NR2C2: variants seen among roughly 807,000 people sequenced by gnomAD.
NR2C2 encodes the protein Nuclear hormone receptor TR4.
A neutral mutation model predicts 62.9 loss-of-function variants in NR2C2; 6 were observed. That is an observed-to-expected ratio of 0.10 (90% confidence interval 0.05 to 0.19). The LOEUF (loss-of-function observed/expected upper bound fraction) is 0.19, where lower values mean the gene tolerates loss of function less well. Ranked by LOEUF, NR2C2 falls within the 10% of genes least tolerant of loss-of-function variation. The pLI, the probability that NR2C2 is intolerant of heterozygous loss-of-function variation, is 1.00. For synonymous variants in NR2C2, 272 were observed against 273.8 expected, an observed-to-expected ratio of 0.99 and a Z score of 0.07; for missense variants, 479 against 762.7, an observed-to-expected ratio of 0.63 and a Z score of 4.38.
At chr3:14,969,182 A>G (rs1351763170) in intron 1 of NR2C2, among the ~76,000 whole-genome samples, 5 of 152,114 alleles carry the variant, frequency 3.3e-5, no homozygotes, top group African/African-American at 1.2e-4. Context: ...CTATAACTGG[A>G]AATTTAAAGC....
At chr3:14,961,878 T>C (rs1391399308) in intron 1 of NR2C2, among the ~76,000 whole-genome samples, 1 of 152,260 alleles carries the variant, frequency 6.6e-6, no homozygotes, top group East Asian at 1.9e-4. Flanking sequence ...ATGCAGTCTC[T>C]TCGCTTCTTG....
chr3:14,970,683 T>A (rs1026684226), intron 1 of NR2C2, among the ~76,000 whole-genome samples: 9 of 152,234 alleles, frequency 5.9e-5, no homozygotes, highest in Non-Finnish European at 1.5e-5. Context: ...TTTCCTTCCT[T>A]TTTAAGACTA....
chr3:14,970,053 A>C (rs1180714707), intron 1 of NR2C2, among the ~76,000 whole-genome samples: 1 of 152,214 alleles, frequency 6.6e-6, no homozygotes, highest in African/African-American at 2.4e-5. Flanking sequence ...TTGTCAAAGT[A>C]GTACATATAC....
intron 1 of NR2C2, among the ~76,000 whole-genome samples, chr3:15,002,323 A>G (rs778202481): frequency 6.6e-6 from 1 of 152,172 alleles, no homozygotes; most frequent in Non-Finnish European, 1.5e-5. Flanking sequence ...TTCGCCATCA[A>G]TTGAAATAAT....
At chr3:14,965,029 C>CA (rs1027135529) in intron 1 of NR2C2, among the ~76,000 whole-genome samples, 5 of 152,092 alleles carry the variant, frequency 3.3e-5, no homozygotes, top group Non-Finnish European at 5.9e-5. Flanking sequence ...AGTCACCTCG[C>CA]ATGCACATCG....
At chr3:15,026,093 A>G (rs1243958461) in intron 7 of NR2C2, 1 of 151,576 alleles carries the variant, frequency 6.6e-6, no homozygotes, top group Non-Finnish European at 1.5e-5. Context: ...ATCTTGGCTC[A>G]TTGCAACCTG....
chr3:14,996,298 A>T (rs569381723), intron 1 of NR2C2, among the ~76,000 whole-genome samples: 6 of 152,356 alleles, frequency 3.9e-5, no homozygotes, highest in African/African-American at 1.4e-4. Flanking sequence ...ATGAGTTTGG[A>T]TTTAATATTT....
rs757568142 is a variant in NR2C2, at chr3:15,046,431, G to A, written c.*3423G>A. On this transcript the variant is annotated 3_prime_UTR_variant, in exon 14 of 14. Transcript: ENST00000425241. ...AGCTGTCTTACTTGTTTGGGGGATA[G>A]TTACGGCAAGGAGCAAAAAATTCTA... The A allele has an allele frequency of 6.6e-6, 1 of 152,240 alleles. No individual in the cohort carries two copies. The highest frequency in any genetic ancestry group is 1.5e-5 in the Non-Finnish European group (1 of 68,040). 9.4% of individuals were successfully genotyped at this position (152,240 alleles called of 1,614,324 possible). A position where few individuals can be genotyped will look rare whatever the true frequency, so the allele number is the denominator to read the frequency against.
intron 2 of NR2C2, 61 bp from the exon 3 acceptor site, chr3:15,013,528 C>G (rs2041415265): frequency 2.0e-6 from 3 of 1,495,424 alleles, no homozygotes; most frequent in Middle Eastern, 2.2e-4. Context: ...TTGAGCACCA[C>G]CTGCAAATGC....
intron 1 of NR2C2, among the ~76,000 whole-genome samples, chr3:14,950,121 A>C (rs1375677663): frequency 1.3e-5 from 2 of 152,192 alleles, no homozygotes; most frequent in Non-Finnish European, 2.9e-5. Context: ...ATTATGAACT[A>C]CTGGTATAGA....
chr3:14,994,452 T>G (rs1437273573), intron 1 of NR2C2, among the ~76,000 whole-genome samples: 61 of 143,586 alleles, frequency 4.2e-4, no homozygotes, highest in African/African-American at 1.6e-3. Flanking sequence ...TTTTTTTTTT[T>G]TTTTTTTTTG....
At position 15,048,043 on chromosome 3, in the gene NR2C2, C is replaced by T. The variant is rs181151827; in HGVS notation, c.*5035C>T. 5.2e-5 allele frequency: 8 copies of T among 152,748 alleles called. No homozygotes were observed. The East Asian group carries it at 1.5e-3, about 29-fold the overall frequency. 9.5% of individuals were successfully genotyped at this position (152,748 alleles called of 1,614,324 possible). A position where few individuals can be genotyped will look rare whatever the true frequency, so the allele number is the denominator to read the frequency against. On this transcript the variant is annotated 3_prime_UTR_variant, in exon 14 of 14. Coordinates refer to ENST00000425241, the MANE Select transcript of NR2C2 (RefSeq NM_001291694.2). Reference sequence around the variant, plus strand: ...GCTCATAGACCTGGGAAGCAGGGGCCTGCTGGAAGGAATCACTAGATTGCT... The same window carrying T: ...GCTCATAGACCTGGGAAGCAGGGGCTTGCTGGAAGGAATCACTAGATTGCT...
intron 1 of NR2C2, among the ~76,000 whole-genome samples, chr3:14,960,265 G>A (rs1370429898): frequency 6.6e-6 from 1 of 152,164 alleles, no homozygotes; most frequent in African/African-American, 2.4e-5. Context: ...CACAGAGTGG[G>A]TGAAGATATT....
chr3:15,009,481 A>G (rs867717536), intron 2 of NR2C2, among the ~76,000 whole-genome samples: 6 of 152,340 alleles, frequency 3.9e-5, no homozygotes, highest in Middle Eastern at 3.4e-3. Context: ...ATTATTTACT[A>G]ACATATCAAT....
intron 1 of NR2C2, chr3:14,959,022 A>G (rs1035350852): frequency 6.6e-6 from 1 of 152,210 alleles, no homozygotes; most frequent in Admixed American, 6.5e-5. Flanking sequence ...AGTTTTTCAA[A>G]CTACATCTAG....
intron 1 of NR2C2, among the ~76,000 whole-genome samples, chr3:14,982,934 T>A (rs2125334395): frequency 6.6e-6 from 1 of 152,376 alleles, no homozygotes; most frequent in Middle Eastern, 3.4e-3. Context: ...AAATACTGAA[T>A]TTTATCAAAT....
rs1190721270 is a variant in NR2C2 at position 14,969,824 on chromosome 3, C to T, written c.-40+21918C>T. Among the ~76,000 whole-genome samples, 4 of 152,234 alleles carry T rather than the reference C, an allele frequency of 2.6e-5. No individual in the cohort carries two copies. The East Asian group carries it at 5.8e-4, about 22-fold the overall frequency. ...TTATTCTTTTTATCAACAGGATTTA[C>T]ATCATTATTGCAGAAAACTTACACT... On this transcript the variant is annotated intron_variant, in intron 1 of 13. Coordinates refer to ENST00000425241, the MANE Select transcript of NR2C2 (RefSeq NM_001291694.2).
chr3:14,973,151 T>C (rs749792376), intron 1 of NR2C2, among the ~76,000 whole-genome samples: 3 of 152,194 alleles, frequency 2.0e-5, no homozygotes, highest in Non-Finnish European at 4.4e-5. Context: ...GTTTAATTTA[T>C]GTTCTTTCTT....
rs141157692 is a variant in NR2C2 at position 15,016,159 on chromosome 3, C to T, written c.281C>T (p.Thr94Met). ...NLVPGRIQIV[T>M]DSASVERLLG... The stretch of plus-strand genomic sequence containing the variant: ...TTTCCTGATTTCTCTCAGATTGTCA[C>T]GGATTCTGCCTCTGTGGAGCGTTTA... The change falls in exon 4 of 14, where the codon ACG (threonine) becomes ATG (methionine). Residue 94 changes from threonine (T) to methionine (M), a missense_variant. Physicochemically the swap from Thr to Met is moderately conservative, Grantham distance 81. Transcript: ENST00000425241. 26 of 1,613,320 alleles carry T rather than the reference C, an allele frequency of 1.6e-5. No individual in the cohort carries two copies. Among genetic ancestry groups the T allele is most frequent in the Middle Eastern group, 1.6e-4 (1 of 6,084 alleles).
Sources: gnomAD v4.1 joint callset for allele counts (sites outside exome capture counted in the v4.1 genomes callset) on GRCh38, gnomAD v4.1.1 for gene constraint, MANE v1.5 for transcripts, NCBI Gene and HGNC (gene_info 2026-07-23, HGNC 2026-07-21) for gene names.